Variants in REV1 observed in about 807,000 individuals in gnomAD.
The protein encoded by REV1 is translesion synthesis protein REV1.
In REV1, 42 loss-of-function variants were observed where a neutral mutation model predicts 137.4. That is an observed-to-expected ratio of 0.31 (90% CI 0.24 to 0.40). REV1 has a LOEUF of 0.40. Among genes scored for constraint, REV1 ranks in the 10% least tolerant of loss-of-function variants. The pLI is 1.00. For synonymous variants in REV1, 524 were observed against 519.2 expected, an observed-to-expected ratio of 1.01 and a Z score of -0.12; for missense variants, 1,282 against 1,490.1, an observed-to-expected ratio of 0.86 and a Z score of 2.30.
chr2:99,450,643 ATAT>A (rs1682817591), intron 3 of REV1, among the ~76,000 whole-genome samples: 1 of 152,238 alleles, frequency 6.6e-6, no homozygotes, highest in African/African-American at 2.4e-5. Flanking sequence ...TCAGTAGAAA[ATAT>A]TATGCAAGCC....
At chr2:99,452,782 A>C (rs893985002) in intron 3 of REV1, among the ~76,000 whole-genome samples, 7 of 152,252 alleles carry the variant, frequency 4.6e-5, no homozygotes, top group Non-Finnish European at 1.0e-4. Flanking sequence ...AAAGTGGAGT[A>C]CAAGTGGTAT....
At chr2:99,490,144 G>A (rs979855265), upstream of REV1, 2 of 144,816 alleles carry the variant, frequency 1.4e-5, no homozygotes, top group Non-Finnish European at 3.0e-5. Context: ...CCGGCCCGGG[G>A]CGACCCCAGC....
intron 14 of REV1, among the ~76,000 whole-genome samples, chr2:99,409,652 T>C (rs1236791406): frequency 6.6e-6 from 1 of 152,220 alleles, no homozygotes; most frequent in African/African-American, 2.4e-5. Context: ...AAGATCAGCC[T>C]TGCCAACATA....
At chr2:99,403,592 G>GC (rs1675828486) in intron 19 of REV1, 103 bp downstream of exon 19, 2 of 1,431,684 alleles carry the variant, frequency 1.4e-6, no homozygotes, top group South Asian at 2.3e-5. Flanking sequence ...AGCTCTTAAT[G>GC]CAACAGCTTA....
At chr2:99,480,858 T>C (rs1686534536) in intron 1 of REV1, among the ~76,000 whole-genome samples, 1 of 152,166 alleles carries the variant, frequency 6.6e-6, no homozygotes, top group African/African-American at 2.4e-5. Context: ...TTATATACTT[T>C]TAAAAAAACA....
intron 9 of REV1, among the ~76,000 whole-genome samples, chr2:99,427,280 C>T (rs1181970178): frequency 1.3e-5 from 2 of 152,114 alleles, no homozygotes; most frequent in Non-Finnish European, 1.5e-5. Context: ...TACAAAAGCA[C>T]AAGAAAATGG....
intron 1 of REV1, among the ~76,000 whole-genome samples, chr2:99,477,232 G>T (rs1309934477): frequency 2.6e-5 from 4 of 152,188 alleles, no homozygotes; most frequent in African/African-American, 9.7e-5. Flanking sequence ...CAAAATCGGG[G>T]GTGGCCATGT....
chr2:99,454,326 G>C (rs922264858), intron 3 of REV1, among the ~76,000 whole-genome samples: 3 of 151,960 alleles, frequency 2.0e-5, no homozygotes, highest in African/African-American at 4.8e-5. Context: ...ACAGCGGGTG[G>C]ATCCTCTGAG....
At chr2:99,486,609 GTAT>G (rs1391711745) in intron 1 of REV1, among the ~76,000 whole-genome samples, 2 of 152,166 alleles carry the variant, frequency 1.3e-5, no homozygotes, top group Non-Finnish European at 2.9e-5. Flanking sequence ...TGTGAGGTAG[GTAT>G]TATTACAGTC....
chr2:99,439,563 A>T (rs887932356), intron 5 of REV1, among the ~76,000 whole-genome samples: 3 of 152,178 alleles, frequency 2.0e-5, no homozygotes, highest in African/African-American at 7.2e-5. Context: ...GAATATTAAC[A>T]GCCCTTTAGG....
At chr2:99,444,100 G>A (rs946275686) in intron 4 of REV1, among the ~76,000 whole-genome samples, 3 of 152,194 alleles carry the variant, frequency 2.0e-5, no homozygotes, top group Non-Finnish European at 4.4e-5. Context: ...GATTACAGGT[G>A]TGAGCCACCG....
chr2:99,422,889 T>A (rs1678867262), intron 10 of REV1, among the ~76,000 whole-genome samples: 1 of 152,182 alleles, frequency 6.6e-6, no homozygotes, highest in African/African-American at 2.4e-5. Flanking sequence ...AGTACTGACC[T>A]CAGTCACCCA....
At chr2:99,441,070 C>A (rs1382597775) in intron 5 of REV1, among the ~76,000 whole-genome samples, 2 of 151,996 alleles carry the variant, frequency 1.3e-5, no homozygotes, top group African/African-American at 4.8e-5. Context: ...TTTGAAAAAA[C>A]ATATCTATTT....
At chr2:99,466,160 C>A (rs1211816769) in intron 1 of REV1, among the ~76,000 whole-genome samples, 1 of 152,086 alleles carries the variant, frequency 6.6e-6, no homozygotes, top group East Asian at 1.9e-4. Context: ...ACCATGTGAG[C>A]CAGGATGGTC....
At chr2:99,441,288 C>T (rs1260217000) in intron 5 of REV1, among the ~76,000 whole-genome samples, 1 of 151,922 alleles carries the variant, frequency 6.6e-6, no homozygotes, top group African/African-American at 2.4e-5. Flanking sequence ...GATACTGGAT[C>T]CTCTCAGATT....
intron 12 of REV1, among the ~76,000 whole-genome samples, chr2:99,416,997 G>T (rs967973622): frequency 6.6e-6 from 1 of 151,178 alleles, no homozygotes; most frequent in East Asian, 1.9e-4. Flanking sequence ...AGGTCAAGTA[G>T]CTAAAACGTC....
At chr2:99,409,096 G>A (rs958613529) in intron 14 of REV1, among the ~76,000 whole-genome samples, 5 of 152,152 alleles carry the variant, frequency 3.3e-5, no homozygotes, top group Admixed American at 6.5e-5. Context: ...GCAACAGAGC[G>A]AGATCCTGTC....
chr2:99,426,173 T>C (rs1406440400), intron 9 of REV1, among the ~76,000 whole-genome samples: 6 of 151,288 alleles, frequency 4.0e-5, no homozygotes, highest in African/African-American at 1.2e-4. Context: ...GGTGAAACCC[T>C]GTCTCTACTA....
intron 8 of REV1, among the ~76,000 whole-genome samples, chr2:99,430,481 A>C (rs3792149): frequency 0.59 from 90,314 of 152,076 alleles, 27,308 homozygotes; most frequent in African/African-American, 0.67. Context: ...AGGTCACAAA[A>C]CATGAAGAGG....
Sources: gnomAD v4.1 joint callset for allele counts (sites outside exome capture counted in the v4.1 genomes callset) on GRCh38, gnomAD v4.1.1 for gene constraint, MANE v1.5 for transcripts, NCBI Gene and HGNC (gene_info 2026-07-23, HGNC 2026-07-21) for gene names.